Variants in CAMK2D observed in about 807,000 individuals in gnomAD.
CAMK2D encodes the protein calcium/calmodulin dependent protein kinase II delta.
CAMK2D carries 37 observed loss-of-function variants against 84.0 expected under a neutral mutation model. The ratio of observed to expected loss-of-function variants is 0.44; its 90% CI spans 0.34 to 0.58. CAMK2D has a LOEUF of 0.58. CAMK2D is among the 20% of genes least tolerant of loss of function. CAMK2D has a pLI of 0.02. For missense variants in CAMK2D, 448 were observed against 652.5 expected, an observed-to-expected ratio of 0.69 and a Z score of 3.41; for synonymous variants, 202 against 212.5, an observed-to-expected ratio of 0.95 and a Z score of 0.43.
At chr4:113,684,985 G>A (rs2099355530) in intron 2 of CAMK2D, among the ~76,000 whole-genome samples, 1 of 152,132 alleles carries the variant, frequency 6.6e-6, no homozygotes, top group East Asian at 1.9e-4. Flanking sequence ...GGCAGCAGAT[G>A]ACCAGACAGG....
At chr4:113,512,360 T>C (rs2098226250) in intron 12 of CAMK2D, among the ~76,000 whole-genome samples, 1 of 152,240 alleles carries the variant, frequency 6.6e-6, no homozygotes, top group South Asian at 2.1e-4. Context: ...TGGCTTGGCT[T>C]CTTTAAGCCT....
At chr4:113,709,746 G>GAGATATATATATATAT (rs1554070631) in intron 2 of CAMK2D, among the ~76,000 whole-genome samples, 2 of 49,824 alleles carry the variant, frequency 4.0e-5, no homozygotes, top group African/African-American at 1.1e-4. Context: ...AGCCGTGAAC[G>GAGATATATATATATAT]ATATATATAT....
At position 113,741,419 on chromosome 4, in the gene CAMK2D, A is replaced by G. The variant is rs116455522; in HGVS notation, c.160+17901T>C. On this transcript the variant is annotated intron_variant, in intron 2 of 20. Coordinates refer to ENST00000511664, the MANE Select transcript of CAMK2D (RefSeq NM_001321571.2). ...TATAGTATATTATTATAATTGTTCT[A>G]TTTTATTAGTACTTGCTCATCTCTT... Among the ~76,000 whole-genome samples, 972 of 152,286 alleles carry G rather than the reference A, an allele frequency of 6.4e-3. 8 individuals are homozygous for G. Among genetic ancestry groups the G allele is most frequent in the Non-Finnish European group, 0.011 (725 of 68,016 alleles).
chr4:113,519,567 T>C (rs1195272385), intron 8 of CAMK2D, among the ~76,000 whole-genome samples: 3 of 152,100 alleles, frequency 2.0e-5, no homozygotes, highest in South Asian at 2.1e-4. Flanking sequence ...TGATGTGAAA[T>C]TGTCAGTGCC....
Position 113,515,078 on chromosome 4 carries a change from T to G in CAMK2D, c.810A>C (p.Pro270=). Residue 270 remains proline (P), a synonymous_variant, in exon 10 of 21, where the codon CCA becomes CCC. Transcript: ENST00000511664. Reference sequence around the variant, plus strand: ...GAGAAGTTTTACTTACACAGATCCATGGGTGCTTCAGTGCCTCTGAGGCTG... The same window carrying G: ...GAGAAGTTTTACTTACACAGATCCAGGGGTGCTTCAGTGCCTCTGAGGCTG... The part of the protein sequence containing the change: ...RITASEALKH[P]WICQRSTVAS... The G allele has an allele frequency of 6.2e-7, 1 of 1,613,588 alleles. No homozygotes were observed. Among genetic ancestry groups the G allele is most frequent in the Non-Finnish European group, 8.5e-7 (1 of 1,179,590 alleles).
At chr4:113,575,475 T>C (rs2098776230) in intron 4 of CAMK2D, among the ~76,000 whole-genome samples, 1 of 152,198 alleles carries the variant, frequency 6.6e-6, no homozygotes, top group African/African-American at 2.4e-5. Flanking sequence ...TATAATTTTC[T>C]TAAAGACCCC....
intron 16 of CAMK2D, among the ~76,000 whole-genome samples, chr4:113,486,272 G>A (rs1214569329): frequency 6.6e-6 from 1 of 151,904 alleles, no homozygotes; most frequent in Non-Finnish European, 1.5e-5. Flanking sequence ...ACAGGTGTGT[G>A]CCACCATGCC....
chr4:113,688,935 G>GA (rs2099370694), intron 2 of CAMK2D, among the ~76,000 whole-genome samples: 3 of 93,326 alleles, frequency 3.2e-5, no homozygotes, highest in African/African-American at 1.3e-4. Flanking sequence ...AAAAAAAAAG[G>GA]AAAGAGCACA....
intron 13 of CAMK2D, among the ~76,000 whole-genome samples, 172 bp from the exon 14 acceptor site, chr4:113,505,207 G>A (rs1016409248): frequency 3.9e-5 from 6 of 152,150 alleles, no homozygotes; most frequent in Non-Finnish European, 5.9e-5. Flanking sequence ...AGTCTCCGAT[G>A]GTCACACACA....
rs1441463078 is a variant in CAMK2D at position 113,612,603 on chromosome 4, T to C, written c.221-3397A>G. Among the ~76,000 whole-genome samples, 3 of 152,168 alleles carry C rather than the reference T, an allele frequency of 2.0e-5. No individual in the cohort carries two copies. The East Asian group carries it at 5.8e-4, about 29-fold the overall frequency. ...GACGCAATTAGCCTAATTACAGTTG[T>C]CCCTATGACGTTTTTAGAGAGAAAT... On this transcript the variant is annotated intron_variant, in intron 3 of 20. Transcript: ENST00000511664.
At chr4:113,753,660 TA>T in intron 2 of CAMK2D, 1 of 391,150 alleles carries the variant, frequency 2.6e-6, no homozygotes, top group Non-Finnish European at 3.5e-6. Context: ...AATTTTATTC[TA>T]AAAATAACTG....
intron 14 of CAMK2D, 125 bp downstream of exon 14, chr4:113,504,847 CAAAA>C (rs1714382977): frequency 3.7e-6 from 1 of 272,900 alleles, no homozygotes; most frequent in African/African-American, 2.9e-5. Flanking sequence ...AAAAAAAAAA[CAAAA>C]CCCAACACCC....
In CAMK2D at chr4:113,451,999, G is replaced by C. The variant is rs1284940689; in HGVS notation, c.*2546C>G. On this transcript the variant is annotated 3_prime_UTR_variant, in exon 21 of 21. Transcript: ENST00000511664. Reference sequence around the variant, plus strand: ...CATAAACAGGCATGTGAGCAAGTGTGATGTTTTTAGCAAATCAAAAGAAGC... The same window carrying C: ...CATAAACAGGCATGTGAGCAAGTGTCATGTTTTTAGCAAATCAAAAGAAGC... 3.3e-5 allele frequency: 5 copies of C among 152,258 alleles called. No individual in the cohort carries two copies. The highest frequency in any genetic ancestry group is 9.6e-5 in the African/African-American group (4 of 41,554). The allele number at this position is 152,258 out of a possible 1,614,324, so 9.4% of individuals were successfully genotyped here.
intron 4 of CAMK2D, among the ~76,000 whole-genome samples, chr4:113,560,035 T>C (rs2098690780): frequency 1.3e-5 from 2 of 152,172 alleles, no homozygotes; most frequent in African/African-American, 4.8e-5. Flanking sequence ...CAGTCTTCAA[T>C]ACTCAGAAGA....
chr4:113,685,947 C>A (rs1352434124), intron 2 of CAMK2D, among the ~76,000 whole-genome samples: 1 of 151,966 alleles, frequency 6.6e-6, no homozygotes. Flanking sequence ...GCCTGTAATC[C>A]CAGCTACTCG....
At chr4:113,592,044 T>C (rs2098890099) in intron 4 of CAMK2D, among the ~76,000 whole-genome samples, 2 of 152,196 alleles carry the variant, frequency 1.3e-5, no homozygotes, top group South Asian at 4.1e-4. Context: ...ACTTAATAAG[T>C]ATTCATTGAA....
chr4:113,467,098 G>T (rs2097483168), intron 16 of CAMK2D, among the ~76,000 whole-genome samples: 2 of 152,134 alleles, frequency 1.3e-5, no homozygotes, highest in Non-Finnish European at 2.9e-5. Context: ...ATTACTGCAT[G>T]AAATATTTTA....
intron 8 of CAMK2D, among the ~76,000 whole-genome samples, chr4:113,524,034 T>TA (rs1167148962): frequency 3.3e-5 from 5 of 152,058 alleles, no homozygotes; most frequent in African/African-American, 1.2e-4. Flanking sequence ...CATGCCCGGC[T>TA]AATTTTTTCT....
At chr4:113,526,967 A>G (rs2098423165) in intron 8 of CAMK2D, among the ~76,000 whole-genome samples, 1 of 141,922 alleles carries the variant, frequency 7.0e-6, no homozygotes, top group African/African-American at 2.6e-5. Flanking sequence ...CTGAAGGTTT[A>G]TGATAACCCT....
Sources: allele counts gnomAD v4.1 joint callset (sites outside exome capture counted in the v4.1 genomes callset), GRCh38; gene constraint gnomAD v4.1.1; transcripts MANE v1.5; gene names NCBI Gene and HGNC (gene_info 2026-07-23, HGNC 2026-07-21).